CTIF: variants seen among roughly 807,000 people sequenced by gnomAD.
CTIF encodes cap binding complex dependent translation initiation factor, also known as CBP80/20-dependent translation initiation factor.
CTIF carries 21 observed loss-of-function variants against 66.0 expected under a neutral mutation model. The ratio of observed to expected loss-of-function variants is 0.32; its 90% CI spans 0.23 to 0.46. The LOEUF (loss-of-function observed/expected upper bound fraction) is 0.46, where lower values mean the gene tolerates loss of function less well. Ranked by LOEUF, CTIF falls within the 20% of genes least tolerant of loss-of-function variation. The probability of loss-of-function intolerance (pLI) is 1.00; values close to 1 mark genes in which losing one functional copy is unlikely to be tolerated. For missense variants in CTIF, 739 were observed against 812.7 expected (o/e 0.91, Z 1.10); for synonymous variants, 345 against 326.4 (o/e 1.06, Z -0.62).
At chr18:48,844,580 G>A (rs545405776) in intron 10 of CTIF, among the ~76,000 whole-genome samples, 2 of 152,132 alleles carry the variant, frequency 1.3e-5, no homozygotes, top group South Asian at 2.1e-4. Flanking sequence ...TAGGGTGCCC[G>A]CCCGCCTTAG....
chr18:48,829,085 G>A (rs1256388038), intron 10 of CTIF, among the ~76,000 whole-genome samples: 1 of 152,162 alleles, frequency 6.6e-6, no homozygotes, highest in East Asian at 1.9e-4. Context: ...GGAGGGAGGG[G>A]GTGCAGATTA....
chr18:48,821,344 A>G (rs1380514836), intron 10 of CTIF, among the ~76,000 whole-genome samples: 1 of 152,148 alleles, frequency 6.6e-6, no homozygotes, highest in East Asian at 1.9e-4. Context: ...TTCTCTTTTA[A>G]CTCAGACAGC....
intron 9 of CTIF, among the ~76,000 whole-genome samples, chr18:48,768,292 G>A (rs1217829154): frequency 6.6e-6 from 1 of 152,174 alleles, no homozygotes; most frequent in Non-Finnish European, 1.5e-5. Context: ...AATCCTGGCT[G>A]AGTTATCGGC....
At position 48,654,894 on chromosome 18, in the gene CTIF, C is replaced by T. The variant is rs554136021; in HGVS notation, c.253-8858C>T. Among the ~76,000 whole-genome samples, 108 of 151,954 alleles carry T rather than the reference C, an allele frequency of 7.1e-4. 1 individual carries two copies. Among genetic ancestry groups the T allele is most frequent in the African/African-American group, 2.4e-3 (99 of 41,414 alleles). On this transcript the variant is annotated intron_variant, in intron 3 of 11. Coordinates refer to ENST00000256413, the MANE Select transcript of CTIF (RefSeq NM_014772.3). ...CAAGGACAGAAAACCAAACACCACA[C>T]GTTCTCACTCATAGGTGGGAACTGA...
rs536332454 is a variant in CTIF, at chr18:48,735,458, G to A, written c.585-22461G>A. ...GTACAGGCAGCAAGTCCAAGAGAGC[G>A]TGTTGCTGGAGGGACAGCCGGCGCA... On this transcript the variant is annotated intron_variant, in intron 7 of 11. Coordinates refer to ENST00000256413, the MANE Select transcript of CTIF (RefSeq NM_014772.3). Among the ~76,000 whole-genome samples the A allele has an allele frequency of 6.6e-5, 10 of 152,326 alleles. No homozygotes were observed. The East Asian group carries it at 1.2e-3, about 18-fold the overall frequency.
chr18:48,630,684 T>A (rs759795079), intron 2 of CTIF, among the ~76,000 whole-genome samples: 10 of 151,812 alleles, frequency 6.6e-5, no homozygotes, highest in South Asian at 6.3e-4. Context: ...TTAATTAATT[T>A]ATTTATTTTG....
chr18:48,735,339 G>A (rs1002357663), intron 7 of CTIF, among the ~76,000 whole-genome samples: 1 of 152,194 alleles, frequency 6.6e-6, no homozygotes, highest in African/African-American at 2.4e-5. Context: ...CCAAGCCAGG[G>A]AGGAAGGTGT....
intron 1 of CTIF, among the ~76,000 whole-genome samples, chr18:48,594,473 G>A (rs963195671): frequency 6.6e-6 from 1 of 152,124 alleles, no homozygotes; most frequent in African/African-American, 2.4e-5. Flanking sequence ...GGAGTAGCCG[G>A]CAGAGGCCCA....
At chr18:48,798,166 G>A (rs1298367056) in intron 9 of CTIF, among the ~76,000 whole-genome samples, 1 of 152,208 alleles carries the variant, frequency 6.6e-6, no homozygotes, top group Non-Finnish European at 1.5e-5. Context: ...GGGGACACTG[G>A]CGTGGGAGGT....
intron 1 of CTIF, among the ~76,000 whole-genome samples, chr18:48,547,073 C>T (rs181585614): frequency 1.4e-4 from 22 of 152,260 alleles, no homozygotes; most frequent in Admixed American, 1.2e-3. Context: ...TTGGGAGATG[C>T]TTTGCGATCA....
At chr18:48,755,563 G>A (rs1224263847) in intron 7 of CTIF, 1 of 152,238 alleles carries the variant, frequency 6.6e-6, no homozygotes, top group Non-Finnish European at 1.5e-5. Flanking sequence ...TACCTGCCAT[G>A]GGGAGTGAAA....
intron 9 of CTIF, among the ~76,000 whole-genome samples, chr18:48,815,505 A>C (rs988425782): frequency 6.6e-6 from 1 of 152,256 alleles, no homozygotes; most frequent in South Asian, 2.1e-4. Context: ...ACTGTTTTAC[A>C]TATAAATATA....
At chr18:48,739,443 C>T (rs2145731215) in intron 7 of CTIF, among the ~76,000 whole-genome samples, 1 of 152,334 alleles carries the variant, frequency 6.6e-6, no homozygotes, top group South Asian at 2.1e-4. Context: ...CCTTCACTCA[C>T]CTGGTGGGGT....
In CTIF at chr18:48,665,445, CCTT is replaced by C. The variant is rs373082186; in HGVS notation, c.431+898_431+900del. Among the ~76,000 whole-genome samples, 642 of 152,256 alleles carry C rather than the reference CCTT, an allele frequency of 4.2e-3. 4 individuals are homozygous for C. The highest frequency in any genetic ancestry group is 0.015 in the African/African-American group (616 of 41,548). ...CAGAGGTGTGGGACAAATGGCTGCTCCTTCTTTTATAGTTTTATATAATTTTTA... is the reference window on the plus strand; with the variant it reads ...CAGAGGTGTGGGACAAATGGCTGCTCCTTTTATAGTTTTATATAATTTTTA... On this transcript the variant is annotated intron_variant, in intron 5 of 11. Transcript: ENST00000256413.
Position 48,590,985 on chromosome 18 carries a change from C to T in CTIF, c.-28-28553C>T, listed in dbSNP as rs553176809. Among the ~76,000 whole-genome samples the T allele has an allele frequency of 3.3e-5, 5 of 152,298 alleles. No homozygotes were observed. In the East Asian group the frequency reaches 7.7e-4, roughly 24 times the overall value. On this transcript the variant is annotated intron_variant, in intron 1 of 11. Coordinates refer to ENST00000256413, the MANE Select transcript of CTIF (RefSeq NM_014772.3). Reference sequence around the variant, plus strand: ...GGACATGTTGCAAGGTGCATATGGACTGAAACAGGCAGATCTCAGAAATGG... The same window carrying T: ...GGACATGTTGCAAGGTGCATATGGATTGAAACAGGCAGATCTCAGAAATGG...
Position 48,670,860 on chromosome 18 carries a change from G to A in CTIF, c.507+116G>A. 3 of 818,782 alleles carry A rather than the reference G, an allele frequency of 3.7e-6. No homozygotes were observed. In the South Asian group the frequency reaches 4.5e-5, roughly 12 times the overall value. The allele number at this position is 818,782 out of a possible 1,614,324, so 50.7% of individuals were successfully genotyped here. ...CTGGCTGCTTGTTCCAGCAAGGAGT[G>A]TAACCGCCTGTATGGTAGTAATAGG... On this transcript the variant is annotated intron_variant, in intron 6 of 11. Transcript: ENST00000256413.
At chr18:48,613,235 GTC>G (rs1396929710) in intron 1 of CTIF, among the ~76,000 whole-genome samples, 3 of 152,162 alleles carry the variant, frequency 2.0e-5, no homozygotes, top group African/African-American at 7.2e-5. Context: ...TCCACTGATT[GTC>G]TCTAGCCTGT....
At chr18:48,771,494 A>T (rs1164624500) in intron 9 of CTIF, among the ~76,000 whole-genome samples, 1 of 152,124 alleles carries the variant, frequency 6.6e-6, no homozygotes, top group Non-Finnish European at 1.5e-5. Context: ...CAGGTCAGGA[A>T]TTATTTCACC....
At chr18:48,635,028 A>G (rs537029779) in intron 2 of CTIF, among the ~76,000 whole-genome samples, 32 of 152,330 alleles carry the variant, frequency 2.1e-4, no homozygotes, top group African/African-American at 7.5e-4. Flanking sequence ...TTTGGCTACT[A>G]GAAAATTTAA....
Sources: gnomAD v4.1 joint callset for allele counts (sites outside exome capture counted in the v4.1 genomes callset) on GRCh38, gnomAD v4.1.1 for gene constraint, MANE v1.5 for transcripts, NCBI Gene and HGNC (gene_info 2026-07-23, HGNC 2026-07-21) for gene names.